FN1: variants seen among roughly 807,000 people sequenced by gnomAD.
FN1 encodes the protein fibronectin.
In FN1, 106 loss-of-function variants were observed where a neutral mutation model predicts 297.3. The ratio of observed to expected loss-of-function variants is 0.36; its 90% CI spans 0.30 to 0.42. The LOEUF (loss-of-function observed/expected upper bound fraction) is 0.42. FN1 is among the 10% of genes least tolerant of loss of function. The pLI, the probability that FN1 is intolerant of heterozygous loss-of-function variation, is 1.00. For missense variants in FN1, 2,690 were observed against 3,124.9 expected, an observed-to-expected ratio of 0.86 and a Z score of 3.32; for synonymous variants, 1,149 against 1,152.6, an observed-to-expected ratio of 1.00 and a Z score of 0.06.
In FN1 at chr2:215,420,559, C is replaced by T. The variant is rs139461804; in HGVS notation, c.1675+114G>A. On this transcript the variant is annotated intron_variant, in intron 11 of 45. Transcript: ENST00000354785. ...ACTTTGCAAAGTTCTTTGCAAGCAA[C>T]TGATCAAAGTCTGGAGCCAACTTCA... The T allele has an allele frequency of 3.8e-4, 506 of 1,345,824 alleles. 2 individuals are homozygous for T. Among genetic ancestry groups the T allele is most frequent in the Middle Eastern group, 3.4e-3 (19 of 5,546 alleles). 83.4% of individuals were successfully genotyped at this position (1,345,824 alleles called of 1,614,324 possible).
intron 17 of FN1, 62 bp from the exon 18 acceptor site, chr2:215,407,383 C>G: frequency 3.8e-6 from 5 of 1,325,808 alleles, no homozygotes; most frequent in Non-Finnish European, 4.4e-6. Flanking sequence ...CTTAGAAACA[C>G]CATAAATCCT....
chr2:215,430,084 T>C (rs1027472916), intron 5 of FN1, among the ~76,000 whole-genome samples: 2 of 152,236 alleles, frequency 1.3e-5, no homozygotes, highest in Admixed American at 1.3e-4. Flanking sequence ...ATGTTAAAGG[T>C]AGTTAAATGG....
At chr2:215,377,982 A>AT (rs1053051460) in intron 35 of FN1, among the ~76,000 whole-genome samples, 193 bp downstream of exon 35, 5 of 151,734 alleles carry the variant, frequency 3.3e-5, no homozygotes, top group Non-Finnish European at 7.4e-5. Flanking sequence ...TATTTATTTT[A>AT]TTTTTTTTAA....
Position 215,390,635 on chromosome 2 carries a change from G to A in FN1, c.4252+997C>T, listed in dbSNP as rs1016802382. ...ACGGCTAAGGGACAGACATTGTGAT[G>A]CAGGGGCTTGTATACTGGGTGATGC... On this transcript the variant is annotated intron_variant, in intron 26 of 45. Transcript: ENST00000354785. Among the ~76,000 whole-genome samples the A allele has an allele frequency of 1.3e-5, 2 of 152,208 alleles. 1 individual carries two copies. Among genetic ancestry groups the A allele is most frequent in the South Asian group, 4.1e-4 (2 of 4,822 alleles).
intron 1 of FN1, among the ~76,000 whole-genome samples, chr2:215,435,063 G>C (rs2067222151): frequency 2.0e-5 from 3 of 152,232 alleles, no homozygotes; most frequent in African/African-American, 7.2e-5. Context: ...ATATTCTTTT[G>C]GAGTAATAGT....
chr2:215,419,134 T>C (rs527445886), intron 12 of FN1, 108 bp downstream of exon 12: 2 of 860,642 alleles, frequency 2.3e-6, no homozygotes, highest in African/African-American at 1.6e-5. Context: ...GAGAAAAGGG[T>C]GGGAAAGAGG....
At position 215,372,365 on chromosome 2, in the gene FN1, G is replaced by T; in HGVS notation, c.6258C>A (p.Pro2086=). 6.2e-7 allele frequency: 1 copy of T among 1,614,106 alleles called. No individual in the cohort carries two copies. The highest frequency in any genetic ancestry group is 8.5e-7 in the Non-Finnish European group (1 of 1,179,976). Residue 2086 remains proline (P), a synonymous_variant, in exon 40 of 46, where the codon CCC becomes CCA. Coordinates refer to ENST00000354785, the MANE Select transcript of FN1 (RefSeq NM_212482.4). ...TGGGGTGTGGAAGGGTTACCAGTTG[G>T]GGAAGCTCGTCTAGCCGAGAGAGGT... The part of the protein sequence containing the change: ...LIGRKKTDEL[P]QLVTLPHPNL...
intron 6 of FN1, among the ~76,000 whole-genome samples, chr2:215,427,185 AT>A (rs1195505505): frequency 6.6e-6 from 1 of 151,918 alleles, no homozygotes; most frequent in Admixed American, 6.6e-5. Context: ...GATGTTTATA[AT>A]TTTTTTTGGC....
At chr2:215,417,152 T>C (rs1243093063) in intron 12 of FN1, among the ~76,000 whole-genome samples, 1 of 152,248 alleles carries the variant, frequency 6.6e-6, no homozygotes, top group Non-Finnish European at 1.5e-5. Flanking sequence ...TATTTAGATT[T>C]AAACTTTTGA....
At chr2:215,431,664 G>GT (rs2066533897) in intron 4 of FN1, among the ~76,000 whole-genome samples, 169 bp downstream of exon 4, 2 of 152,158 alleles carry the variant, frequency 1.3e-5, no homozygotes, top group Non-Finnish European at 2.9e-5. Context: ...TCTAACTCCT[G>GT]TAAGAAGACT....
In FN1 at chr2:215,369,208, G is replaced by A. The variant is rs538872526; in HGVS notation, c.6853+1086C>T. Among the ~76,000 whole-genome samples, 1,058 of 122,676 alleles carry A rather than the reference G, an allele frequency of 8.6e-3. 15 individuals carry two copies. Among genetic ancestry groups the A allele is most frequent in the African/African-American group, 0.033 (1,018 of 30,744 alleles). The allele number at this position is 122,676 out of a possible 152,430, so 80.5% of individuals were successfully genotyped here. On this transcript the variant is annotated intron_variant, in intron 41 of 45. Transcript: ENST00000354785. The stretch of plus-strand genomic sequence containing the variant: ...CATCCTAACTAAAGTTAAAGAGATG[G>A]AATCTTTAAAAAAAAAAAAAAAAAA...
chr2:215,403,550 A>C (rs2061400946), intron 20 of FN1, among the ~76,000 whole-genome samples: 2 of 152,224 alleles, frequency 1.3e-5, no homozygotes. Flanking sequence ...TGTCGAGTTG[A>C]AAATAACAAA....
At chr2:215,420,580 C>CT in intron 11 of FN1, 93 bp downstream of exon 11, 1 of 1,527,658 alleles carries the variant, frequency 6.5e-7, no homozygotes, top group Non-Finnish European at 9.1e-7. Context: ...CTGGAGCCAA[C>CT]TTCAGTCATG....
At chr2:215,432,087 A>G (rs1243143816) in intron 3 of FN1, 123 bp from the exon 4 acceptor site, 5 of 1,121,254 alleles carry the variant, frequency 4.5e-6, no homozygotes, top group African/African-American at 1.5e-5. Context: ...CAGCTTTCCC[A>G]TCAGAGACAG....
chr2:215,367,161 C>T (rs1273915983), intron 42 of FN1, among the ~76,000 whole-genome samples: 1 of 152,188 alleles, frequency 6.6e-6, no homozygotes, highest in Non-Finnish European at 1.5e-5. Context: ...ATAATCATCA[C>T]ATCTCCTAAA....
Position 215,404,485 on chromosome 2 carries a change from G to C in FN1, c.3157C>G (p.Leu1053Val). 1 of 1,614,084 alleles carries C rather than the reference G, an allele frequency of 6.2e-7. No homozygotes were observed. The highest frequency in any genetic ancestry group is 8.5e-7 in the Non-Finnish European group (1 of 1,179,994). Residue 1053 changes from leucine (L) to valine (V), a missense_variant, in exon 20 of 46, where the codon CTG becomes GTG. Around this residue, in one of 3 missense-constraint regions of FN1, gnomAD observed 1,743 missense variants for 1,945.2 expected, o/e 0.90. Coordinates refer to ENST00000354785, the MANE Select transcript of FN1 (RefSeq NM_212482.4). ...NVGPSVSKYP[L>V]RNLQPASEYT... ...TCAGATGCAGGCTGCAGATTCCTCA[G>C]TGGGTACTTGGAGACAGAGGGACCC...
chr2:215,413,307 C>T (rs865863453), intron 13 of FN1, among the ~76,000 whole-genome samples: 2 of 152,082 alleles, frequency 1.3e-5, no homozygotes, highest in African/African-American at 2.4e-5. Flanking sequence ...TTAGTAGAGA[C>T]GGGGTTTCGC....
Position 215,407,198 on chromosome 2 carries a change from T to C in FN1, c.2642A>G (p.Tyr881Cys). 1 of 1,613,950 alleles carries C rather than the reference T, an allele frequency of 6.2e-7. No individual in the cohort carries two copies. Among genetic ancestry groups the C allele is most frequent in the Non-Finnish European group, 8.5e-7 (1 of 1,179,850 alleles). ...ACTTTCTTGATTTTCTTCCACAGCA[T>C]AGATAGTGATGTTATACTGAACACC... ...QPGVQYNITI[Y>C]AVEENQESTP... Residue 881 changes from tyrosine to cysteine, a missense_variant, in exon 18 of 46, where the codon TAT (tyrosine) becomes TGT (cysteine). Tyr to Cys is a radical substitution (Grantham distance 194). Transcript: ENST00000354785.
chr2:215,384,324 C>T, intron 29 of FN1, 140 bp from the exon 30 acceptor site: 1 of 790,552 alleles, frequency 1.3e-6, no homozygotes, highest in Non-Finnish European at 2.1e-6. Context: ...CTATCTTGAA[C>T]AGAAAGGGGT....
Sources: allele counts gnomAD v4.1 joint callset (sites outside exome capture counted in the v4.1 genomes callset), GRCh38; gene constraint gnomAD v4.1.1; regional missense constraint gnomAD v4.1.1; transcripts MANE v1.5; gene names NCBI Gene and HGNC (gene_info 2026-07-23, HGNC 2026-07-21).